FLYWCH2: variants seen among roughly 807,000 people sequenced by gnomAD.
The protein encoded by FLYWCH2 is FLYWCH family member 2.
A neutral mutation model predicts 6.0 loss-of-function variants in FLYWCH2; 2 were observed. The ratio of observed to expected loss-of-function variants is 0.33; its 90% CI spans 0.14 to 1.04. FLYWCH2 has a LOEUF of 1.04. Ranked by LOEUF, FLYWCH2 falls within the 50% of genes least tolerant of loss-of-function variation. The pLI is 0.45. For missense variants in FLYWCH2, 192 were observed against 183.4 expected, an observed-to-expected ratio of 1.05 and a Z score of -0.27; for synonymous variants, 87 against 79.3, an observed-to-expected ratio of 1.10 and a Z score of -0.52.
chr16:2,892,815 G>C (rs2069772915), intron 1 of FLYWCH2, among the ~76,000 whole-genome samples: 2 of 148,666 alleles, frequency 1.3e-5, no homozygotes, highest in South Asian at 2.1e-4. Context: ...CTGCACTCCA[G>C]CCTGGCGACA....
chr16:2,884,293 TC>T (rs2069671933), intron 1 of FLYWCH2, among the ~76,000 whole-genome samples: 1 of 151,884 alleles, frequency 6.6e-6, no homozygotes, highest in Non-Finnish European at 1.5e-5. Flanking sequence ...GTGATGTTTC[TC>T]CCCCGTGCGT....
At chr16:2,892,554 A>C (rs1222054891) in intron 1 of FLYWCH2, among the ~76,000 whole-genome samples, 1 of 150,562 alleles carries the variant, frequency 6.6e-6, no homozygotes, top group Non-Finnish European at 1.5e-5. Context: ...ACAGATGAAA[A>C]TATAAATGCA....
chr16:2,887,844 A>C (rs1026195042), intron 1 of FLYWCH2, among the ~76,000 whole-genome samples: 1 of 151,742 alleles, frequency 6.6e-6, no homozygotes, highest in Non-Finnish European at 1.5e-5. Flanking sequence ...TGGAATTACA[A>C]GCATGAGCCA....
chr16:2,891,661 C>T (rs892539735), intron 1 of FLYWCH2, among the ~76,000 whole-genome samples: 1 of 151,794 alleles, frequency 6.6e-6, no homozygotes, highest in East Asian at 2.0e-4. Flanking sequence ...CGCCTTGCCT[C>T]CCAAAGTGCT....
chr16:2,896,294 C>G (rs2069818402), intron 2 of FLYWCH2, 58 bp from the exon 3 acceptor site: 2 of 962,252 alleles, frequency 2.1e-6, no homozygotes, highest in African/African-American at 3.3e-5. Context: ...CTCCCAGATC[C>G]ACGTCTAGAG....
chr16:2,896,963 T>G, intron 3 of FLYWCH2, 192 bp downstream of exon 3: 2 of 618,526 alleles, frequency 3.2e-6, no homozygotes, highest in Non-Finnish European at 5.6e-6. Context: ...ACCCTGCCTC[T>G]GAGCGGCCTT....
chr16:2,896,671 C>A lies in FLYWCH2; in HGVS notation c.222C>A (p.Ala74=). The A allele has an allele frequency of 1.9e-6, 3 of 1,613,190 alleles. No individual in the cohort carries two copies. The African/African-American group carries it at 4.0e-5, about 21-fold the overall frequency. Residue 74 remains alanine, a synonymous_variant, in exon 3 of 4, where the codon GCC becomes GCA. Coordinates refer to ENST00000396958, the MANE Select transcript of FLYWCH2 (RefSeq NM_138439.3). ...CVMSLGVPGP[A]TLAKALLQTH... ...TGTCCCTGGGGGTGCCCGGCCCCGCCACCCTTGCCAAGGCCCTCCTCCAGA... is the reference window on the plus strand; with the variant it reads ...TGTCCCTGGGGGTGCCCGGCCCCGCAACCCTTGCCAAGGCCCTCCTCCAGA...
In FLYWCH2 at chr16:2,896,462, G is replaced by A. The variant is rs143961412; in HGVS notation, c.13G>A (p.Glu5Lys). Residue 5 changes from glutamate to lysine, a missense_variant, in exon 3 of 4, where the codon GAG becomes AAG. Transcript: ENST00000396958. ...CCTGGGTCCCGGGATGCCCCTGCCC[G>A]AGCCCAGCGAGCAGGAGGGTGAGAG... is the stretch of plus-strand genomic sequence containing the variant. Reference protein sequence around the residue: MPLPEPSEQEGESVK... With the variant: MPLPKPSEQEGESVK... The A allele has an allele frequency of 3.0e-5, 48 of 1,612,154 alleles. No homozygotes were observed. The Admixed American group carries it at 3.2e-4, about 11-fold the overall frequency.
intron 1 of FLYWCH2, among the ~76,000 whole-genome samples, chr16:2,891,301 C>T (rs1004576583): frequency 1.3e-5 from 2 of 152,210 alleles, no homozygotes; most frequent in South Asian, 4.1e-4. Context: ...ACTCAGGTCC[C>T]AGGTCAAGGA....
chr16:2,883,616 G>T (rs1184409335), intron 1 of FLYWCH2, among the ~76,000 whole-genome samples: 1 of 152,134 alleles, frequency 6.6e-6, no homozygotes, highest in Non-Finnish European at 1.5e-5. Context: ...CTCGCCCGCC[G>T]GTCCCTGGCC....
chr16:2,887,058 G>A (rs1180242681), intron 1 of FLYWCH2, among the ~76,000 whole-genome samples: 1 of 152,016 alleles, frequency 6.6e-6, no homozygotes, highest in African/African-American at 2.4e-5. Context: ...ATTGAAGAAA[G>A]CTTTGCCTAA....
Position 2,896,574 on chromosome 16 carries a change from T to G in FLYWCH2, c.125T>G (p.Leu42Arg), listed in dbSNP as rs1350647912. The G allele has an allele frequency of 3.1e-6, 5 of 1,614,016 alleles. No homozygotes were observed. Among genetic ancestry groups the G allele is most frequent in the Non-Finnish European group, 3.4e-6 (4 of 1,180,024 alleles). Reference sequence around the variant, plus strand: ...AGGAAGCCCAGAAAGTTCTCCAAACTGGTCCTGCTCACAGCCTCCAAAGAC... The same window carrying G: ...AGGAAGCCCAGAAAGTTCTCCAAACGGGTCCTGCTCACAGCCTCCAAAGAC... The part of the protein sequence containing the change: ...APRKPRKFSK[L>R]VLLTASKDST... Residue 42 changes from leucine (L) to arginine (R), a missense_variant, in exon 3 of 4, where the codon CTG becomes CGG. Physicochemically the swap from Leu to Arg is moderately radical, Grantham distance 102. Coordinates refer to ENST00000396958, the MANE Select transcript of FLYWCH2 (RefSeq NM_138439.3).
At chr16:2,887,049 T>C (rs1473881824) in intron 1 of FLYWCH2, among the ~76,000 whole-genome samples, 1 of 152,168 alleles carries the variant, frequency 6.6e-6, no homozygotes, top group Non-Finnish European at 1.5e-5. Context: ...TTTCATTATA[T>C]TGAAGAAAGC....
chr16:2,894,752 TCAGAGGACTA>T (rs201958031), intron 1 of FLYWCH2, among the ~76,000 whole-genome samples: 1,753 of 152,278 alleles, frequency 0.012, 11 homozygotes, highest in Non-Finnish European at 0.014. Flanking sequence ...TGTTTAGTGG[TCAGAGGACTA>T]CAGAGGGAAG....
At chr16:2,885,652 AT>A (rs529019446) in intron 1 of FLYWCH2, among the ~76,000 whole-genome samples, 3 of 152,058 alleles carry the variant, frequency 2.0e-5, no homozygotes, top group African/African-American at 4.8e-5. Context: ...TGTAGCATAG[AT>A]TTTTTTTACT....
chr16:2,893,439 A>G (rs2069781618), intron 1 of FLYWCH2, among the ~76,000 whole-genome samples: 1 of 152,090 alleles, frequency 6.6e-6, no homozygotes, highest in Non-Finnish European at 1.5e-5. Context: ...CACCAAATAT[A>G]TATTTCACAA....
Position 2,899,365 on chromosome 16 carries a change from A to C in FLYWCH2, c.*216A>C. On this transcript the variant is annotated 3_prime_UTR_variant, in exon 4 of 4. Transcript: ENST00000396958. ...AAGAAGCTGTTCGCTAGACCCCATA[A>C]TGGGCAGGTTTTAAACATCCCAGGC... is the stretch of plus-strand genomic sequence containing the variant. The C allele has an allele frequency of 2.3e-6, 1 of 433,966 alleles. No homozygotes were observed. Among genetic ancestry groups the C allele is most frequent in the East Asian group, 4.2e-5 (1 of 23,992 alleles). 26.9% of individuals were successfully genotyped at this position (433,966 alleles called of 1,614,324 possible).
chr16:2,889,363 A>T (rs1322539245), intron 1 of FLYWCH2, among the ~76,000 whole-genome samples: 2 of 151,640 alleles, frequency 1.3e-5, no homozygotes, highest in Non-Finnish European at 2.9e-5. Context: ...GGCGCCTGCC[A>T]CCATGCCCGG....
intron 1 of FLYWCH2, among the ~76,000 whole-genome samples, chr16:2,891,436 G>T (rs570147195): frequency 2.0e-5 from 3 of 151,930 alleles, no homozygotes; most frequent in Non-Finnish European, 2.9e-5. Flanking sequence ...ATGGAGTCTC[G>T]CCCTATCGCC....
Sources: gnomAD v4.1 joint callset for allele counts (sites outside exome capture counted in the v4.1 genomes callset) on GRCh38, gnomAD v4.1.1 for gene constraint, MANE v1.5 for transcripts, NCBI Gene and HGNC (gene_info 2026-07-23, HGNC 2026-07-21) for gene names.